Variants in PDXDC1 observed in about 807,000 individuals in gnomAD.
PDXDC1 encodes pyridoxal-dependent decarboxylase domain-containing protein 1.
In PDXDC1, 42 loss-of-function variants were observed where a neutral mutation model predicts 100.1. The observed-to-expected ratio is 0.42, with a 90% CI of 0.33 to 0.54. The LOEUF (loss-of-function observed/expected upper bound fraction) is 0.54, where lower values mean the gene tolerates loss of function less well. Ranked by LOEUF, PDXDC1 falls within the 20% of genes least tolerant of loss-of-function variation. The pLI is 0.10. For synonymous variants in PDXDC1, 260 were observed against 371.7 expected (o/e 0.70, Z 3.46); for missense variants, 636 against 979.2 (o/e 0.65, Z 4.68).
chr16:15,047,190 AGAC>A (rs1451205774), intron 16 of PDXDC1: 4 of 517,574 alleles, frequency 7.7e-6, no homozygotes, highest in Non-Finnish European at 1.4e-5. Flanking sequence ...GACGTTCCTG[AGAC>A]GACATCAAGT....
At chr16:15,129,150 A>G (rs1379715395) in intron 16 of PDXDC1, among the ~76,000 whole-genome samples, 2 of 151,916 alleles carry the variant, frequency 1.3e-5, no homozygotes, top group Admixed American at 1.3e-4. Flanking sequence ...CTGGGAAATG[A>G]AGATAAAAGC....
At chr16:15,134,086 A>G (rs1431093969) in intron 16 of PDXDC1, 2 of 1,564,856 alleles carry the variant, frequency 1.3e-6, no homozygotes, top group Non-Finnish European at 1.7e-6. Context: ...TGCAGGCAGA[A>G]GGGGTGGTGA....
intron 8 of PDXDC1, among the ~76,000 whole-genome samples, chr16:15,013,810 G>A (rs1165797087): frequency 6.6e-6 from 1 of 152,056 alleles, no homozygotes; most frequent in Non-Finnish European, 1.5e-5. Flanking sequence ...GGGAGGTGGA[G>A]GTTGCAGTGA....
chr16:15,078,459 C>T (rs1030141040), intron 16 of PDXDC1, among the ~76,000 whole-genome samples: 2 of 152,020 alleles, frequency 1.3e-5, no homozygotes, highest in African/African-American at 4.8e-5. Context: ...GCAGTTTCTG[C>T]GTCTTCACTG....
chr16:14,976,835 A>G (rs1335763426), intron 1 of PDXDC1: 1 of 152,630 alleles, frequency 6.6e-6, no homozygotes, highest in Admixed American at 6.5e-5. Context: ...ATCCTGGTCA[A>G]GATCATGTTT....
At chr16:15,093,047 A>G (rs1315590298) in intron 16 of PDXDC1, among the ~76,000 whole-genome samples, 2 of 151,852 alleles carry the variant, frequency 1.3e-5, no homozygotes, top group Admixed American at 6.6e-5. Flanking sequence ...TCTGCTGCCC[A>G]GGCTGGAGTG....
chr16:15,048,253 C>T (rs1347783660), intron 16 of PDXDC1, among the ~76,000 whole-genome samples: 1 of 152,238 alleles, frequency 6.6e-6, no homozygotes. Context: ...AAAAAGGCAG[C>T]AGCCACGGTC....
the PDXDC1 span, among the ~76,000 whole-genome samples, chr16:15,150,221 G>A: frequency 5.4e-3 from 819 of 152,104 alleles, 7 homozygotes; most frequent in Middle Eastern, 0.014. Flanking sequence ...GCGGGCACCA[G>A]TCCAGGCTAC....
intron 3 of PDXDC1, 121 bp from the exon 4 acceptor site, chr16:15,001,655 T>C (rs1973180864): frequency 7.0e-6 from 5 of 709,940 alleles, no homozygotes; most frequent in Admixed American, 6.2e-5. Flanking sequence ...CTTTCTCTTA[T>C]AGTTGCTTAA....
intron 16 of PDXDC1, chr16:15,132,635 G>C: frequency 1.3e-6 from 1 of 772,448 alleles, no homozygotes; most frequent in Non-Finnish European, 2.2e-6. Context: ...TCAGCTCCTC[G>C]GCCAAGCTGC....
intron 1 of PDXDC1, chr16:14,976,816 G>A (rs1966857490): frequency 6.6e-6 from 1 of 152,556 alleles, no homozygotes; most frequent in African/African-American, 2.4e-5. Context: ...GCAGTGTTGA[G>A]GCTGAGAAAT....
chr16:14,978,223 T>A (rs1286043402), intron 1 of PDXDC1, among the ~76,000 whole-genome samples: 1 of 152,298 alleles, frequency 6.6e-6, no homozygotes, highest in Non-Finnish European at 1.5e-5. Flanking sequence ...GTAGGGGCTT[T>A]GCCCCTGCCC....
chr16:15,123,969 GTCCTTA>G (rs1454207004), intron 16 of PDXDC1, among the ~76,000 whole-genome samples: 7 of 151,182 alleles, frequency 4.6e-5, no homozygotes, highest in Non-Finnish European at 8.8e-5. Flanking sequence ...GAGTGATGAT[GTCCTTA>G]TCTATATCAT....
At chr16:15,079,750 G>A (rs927790967) in intron 16 of PDXDC1, among the ~76,000 whole-genome samples, 3 of 152,138 alleles carry the variant, frequency 2.0e-5, no homozygotes, top group Non-Finnish European at 4.4e-5. Flanking sequence ...CCACCATCAT[G>A]CCTGGCTAAT....
intron 1 of PDXDC1, among the ~76,000 whole-genome samples, chr16:14,994,497 A>G (rs1263160815): frequency 2.6e-5 from 4 of 152,290 alleles, no homozygotes; most frequent in Non-Finnish European, 4.4e-5. Context: ...CCATTGGTCT[A>G]TATCTCTGTA....
At chr16:14,980,563 G>A (rs1967735747) in intron 1 of PDXDC1, among the ~76,000 whole-genome samples, 1 of 152,282 alleles carries the variant, frequency 6.6e-6, no homozygotes, top group Non-Finnish European at 1.5e-5. Flanking sequence ...TCGGCTCACT[G>A]CAAGCTCCAC....
chr16:15,033,613 A>G (rs559829048), intron 19 of PDXDC1, among the ~76,000 whole-genome samples: 132 of 152,216 alleles, frequency 8.7e-4, no homozygotes, highest in Non-Finnish European at 1.7e-3. Context: ...CTCAGGGGGA[A>G]AGATCCACAT....
intron 16 of PDXDC1, among the ~76,000 whole-genome samples, chr16:15,099,419 C>CAAA (rs768689960): frequency 4.2e-4 from 17 of 40,792 alleles, no homozygotes; most frequent in Admixed American, 5.1e-4. Context: ...GACTTGGTCT[C>CAAA]AAAAAAAAAA....
At chr16:15,148,644 A>T in the PDXDC1 span, among the ~76,000 whole-genome samples, 3 of 151,460 alleles carry the variant, frequency 2.0e-5, no homozygotes, top group Non-Finnish European at 2.9e-5. Flanking sequence ...CTGGCCTCCC[A>T]AACTGCTGGG....
Sources: allele counts gnomAD v4.1 joint callset (sites outside exome capture counted in the v4.1 genomes callset), GRCh38; gene constraint gnomAD v4.1.1; transcripts MANE v1.5; gene names NCBI Gene and HGNC (gene_info 2026-07-23, HGNC 2026-07-21).